AFF3: variants seen among roughly 807,000 people sequenced by gnomAD.
AFF3 encodes the protein AF4/FMR2 family member 3.
In AFF3, 32 loss-of-function variants were observed where a neutral mutation model predicts 129.7. The observed-to-expected ratio is 0.25, with a 90% CI of 0.19 to 0.33. The LOEUF is 0.33. AFF3 is among the 10% of genes least tolerant of loss of function. The pLI is 1.00. For synonymous variants in AFF3, 644 were observed against 635.4 expected (o/e 1.01, Z -0.20); for missense variants, 1,373 against 1,592.0 (o/e 0.86, Z 2.34).
intron 13 of AFF3, 132 bp downstream of exon 13, chr2:99,649,494 C>T: frequency 1.0e-6 from 1 of 1,001,482 alleles, no homozygotes; most frequent in Non-Finnish European, 1.5e-6. Context: ...TAAATCCAAG[C>T]ATGCAAAATG....
At position 99,547,314 on chromosome 2, in the gene AFF3, C is replaced by G; in HGVS notation, c.*4160G>C. ...CTTAGAAAGGCAGACATGTTTAATC[C>G]AAGTCCGTTTATAAATTCCAATTTC... On this transcript the variant is annotated 3_prime_UTR_variant, in exon 25 of 25. Coordinates refer to ENST00000672756, the MANE Select transcript of AFF3 (RefSeq NM_001386135.1). 4.6e-6 allele frequency: 1 copy of G among 216,682 alleles called. No individual in the cohort carries two copies. The highest frequency in any genetic ancestry group is 9.3e-6 in the Non-Finnish European group (1 of 107,322). The allele number at this position is 216,682 out of a possible 1,614,324, so 13.4% of individuals were successfully genotyped here. A position where few individuals can be genotyped will look rare whatever the true frequency, so the allele number is the denominator to read the frequency against.
intron 2 of AFF3, chr2:100,106,355 A>G: frequency 8.7e-7 from 1 of 1,153,002 alleles, no homozygotes; most frequent in Non-Finnish European, 1.1e-6. Flanking sequence ...AGGTAAAAAC[A>G]TAGAGAATAT....
At chr2:100,019,468 C>T (rs779006904) in intron 4 of AFF3, among the ~76,000 whole-genome samples, 7 of 152,144 alleles carry the variant, frequency 4.6e-5, no homozygotes, top group Non-Finnish European at 8.8e-5. Flanking sequence ...CCCTGACAGG[C>T]CAACCATCAC....
chr2:99,599,664 A>G (rs533702963), intron 14 of AFF3, among the ~76,000 whole-genome samples: 311 of 152,324 alleles, frequency 2.0e-3, no homozygotes, highest in Non-Finnish European at 3.5e-3. Context: ...CAAAGCCACA[A>G]GGAGGAGCCT....
chr2:99,869,647 C>T (rs1691716991), intron 7 of AFF3, among the ~76,000 whole-genome samples: 1 of 152,150 alleles, frequency 6.6e-6, no homozygotes, highest in South Asian at 2.1e-4. Context: ...TTTCAAGGGA[C>T]ATCAGGGCAG....
intron 13 of AFF3, among the ~76,000 whole-genome samples, chr2:99,611,243 T>G (rs916966216): frequency 2.0e-5 from 3 of 152,242 alleles, no homozygotes; most frequent in Non-Finnish European, 4.4e-5. Context: ...AAGCATTTTA[T>G]GATGGCTGCT....
At chr2:99,662,097 G>A (rs539453742) in intron 12 of AFF3, among the ~76,000 whole-genome samples, 48 of 151,720 alleles carry the variant, frequency 3.2e-4, no homozygotes, top group African/African-American at 1.1e-3. Context: ...CCAAGATCGC[G>A]CCACTGAACT....
intron 4 of AFF3, among the ~76,000 whole-genome samples, chr2:100,077,765 T>C (rs1688694283): frequency 6.6e-6 from 1 of 152,172 alleles, no homozygotes; most frequent in African/African-American, 2.4e-5. Context: ...ACTAACCAAG[T>C]GATGGTTTAT....
chr2:99,612,119 A>C (rs1034472521), intron 13 of AFF3, among the ~76,000 whole-genome samples: 8 of 152,098 alleles, frequency 5.3e-5, no homozygotes, highest in Non-Finnish European at 2.9e-5. Flanking sequence ...CAGCCTTATT[A>C]TGTTTGTTTT....
At chr2:99,617,163 G>A (rs1235319726) in intron 13 of AFF3, among the ~76,000 whole-genome samples, 6 of 152,164 alleles carry the variant, frequency 3.9e-5, no homozygotes, top group Admixed American at 6.5e-5. Context: ...TTTCTCTTGG[G>A]TATATACATA....
At chr2:99,969,141 G>A (rs906491856) in intron 7 of AFF3, among the ~76,000 whole-genome samples, 3 of 152,186 alleles carry the variant, frequency 2.0e-5, no homozygotes, top group Non-Finnish European at 4.4e-5. Flanking sequence ...GGGTATAAGG[G>A]AGAGGAGAAG....
rs530684988 is a variant in AFF3, at chr2:99,670,645, A to G, written c.1143+1893T>C. On this transcript the variant is annotated intron_variant, in intron 12 of 24. Transcript: ENST00000672756. ...CATATCATTAGTCTTGTTTAAAAGT[A>G]TGGGAATTACAACTTTGTGATTAGA... Among the ~76,000 whole-genome samples the G allele has an allele frequency of 2.0e-5, 3 of 152,298 alleles. No individual in the cohort carries two copies. In the South Asian group the frequency reaches 6.2e-4, roughly 32 times the overall value.
At chr2:99,730,540 G>A (rs907241264) in intron 10 of AFF3, among the ~76,000 whole-genome samples, 1 of 149,872 alleles carries the variant, frequency 6.7e-6, no homozygotes, top group Non-Finnish European at 1.5e-5. Context: ...TTTTGAGATG[G>A]GGTCTCACTC....
At chr2:100,004,628 T>C (rs908684228) in intron 7 of AFF3, among the ~76,000 whole-genome samples, 1 of 152,086 alleles carries the variant, frequency 6.6e-6, no homozygotes. Flanking sequence ...TATTGAACAA[T>C]GCACCTGCGA....
chr2:99,876,282 C>T (rs976328626), intron 7 of AFF3, among the ~76,000 whole-genome samples: 72 of 152,318 alleles, frequency 4.7e-4, no homozygotes, highest in African/African-American at 1.7e-3. Flanking sequence ...CTAGCTGATA[C>T]AACCATTTGG....
intron 7 of AFF3, among the ~76,000 whole-genome samples, chr2:99,896,020 G>A (rs1286732806): frequency 7.4e-6 from 1 of 134,482 alleles, no homozygotes; most frequent in Non-Finnish European, 1.5e-5. Flanking sequence ...AGTGAGGCGA[G>A]ATCGCACCAC....
chr2:99,828,463 C>G (rs971041761), intron 8 of AFF3, among the ~76,000 whole-genome samples: 5 of 152,178 alleles, frequency 3.3e-5, no homozygotes, highest in African/African-American at 1.2e-4. Context: ...TCCAACCTGT[C>G]AGTCCTGGAG....
At chr2:99,959,339 C>CA (rs34083581) in intron 7 of AFF3, among the ~76,000 whole-genome samples, 1,297 of 65,940 alleles carry the variant, frequency 0.02, 11 homozygotes, top group African/African-American at 0.032. Flanking sequence ...AAGAGTCTGC[C>CA]AAAAAAAAAA....
intron 13 of AFF3, among the ~76,000 whole-genome samples, chr2:99,616,772 CTG>C (rs1681480654): frequency 6.6e-6 from 1 of 152,014 alleles, no homozygotes; most frequent in South Asian, 2.1e-4. Flanking sequence ...AGAAAAGAAA[CTG>C]TGTACATCAG....
Sources: allele counts gnomAD v4.1 joint callset (sites outside exome capture counted in the v4.1 genomes callset), GRCh38; gene constraint gnomAD v4.1.1; transcripts MANE v1.5; gene names NCBI Gene and HGNC (gene_info 2026-07-23, HGNC 2026-07-21).